Variants in HECTD4 observed in about 807,000 individuals in gnomAD.
The protein encoded by HECTD4 is HECT domain E3 ubiquitin protein ligase 4.
HECTD4 carries 114 observed loss-of-function variants against 471.5 expected under a neutral mutation model. The observed-to-expected ratio is 0.24, with a 90% CI of 0.21 to 0.28. The LOEUF (loss-of-function observed/expected upper bound fraction) is 0.28, where lower values mean the gene tolerates loss of function less well. Among genes scored for constraint, HECTD4 ranks in the 10% least tolerant of loss-of-function variants. The pLI, the probability that HECTD4 is intolerant of heterozygous loss-of-function variation, is 1.00. For missense variants in HECTD4, 3,866 were observed against 5,651.5 expected (o/e 0.68, Z 10.13); for synonymous variants, 2,012 against 2,256.0 (o/e 0.89, Z 3.07).
At chr12:112,305,396 AC>A (rs1340298424) in intron 7 of HECTD4, among the ~76,000 whole-genome samples, 4 of 152,010 alleles carry the variant, frequency 2.6e-5, no homozygotes, top group African/African-American at 9.7e-5. Flanking sequence ...GACACTTTGC[AC>A]GTGTGGTATC....
intron 34 of HECTD4, 114 bp from the exon 35 acceptor site, chr12:112,237,212 T>G: frequency 1.3e-6 from 1 of 782,792 alleles, no homozygotes; most frequent in Non-Finnish European, 1.9e-6. Flanking sequence ...TCATGAACCA[T>G]CTAATAGTGT....
intron 1 of HECTD4, among the ~76,000 whole-genome samples, chr12:112,368,230 T>C (rs1231764221): frequency 6.6e-6 from 1 of 152,196 alleles, no homozygotes; most frequent in African/African-American, 2.4e-5. Context: ...AAGTGTCCCA[T>C]CATGGAACAT....
At chr12:112,180,266 G>A (rs2031616686) in intron 62 of HECTD4, among the ~76,000 whole-genome samples, 1 of 152,212 alleles carries the variant, frequency 6.6e-6, no homozygotes, top group Non-Finnish European at 1.5e-5. Flanking sequence ...CTTCACATGA[G>A]GCCAGGTGCG....
At chr12:112,224,320 C>A (rs577166966) in intron 44 of HECTD4, among the ~76,000 whole-genome samples, 1 of 150,270 alleles carries the variant, frequency 6.7e-6, no homozygotes, top group East Asian at 2.0e-4. Flanking sequence ...GGCTGGAGTG[C>A]AGTGGCATGA....
chr12:112,167,363 T>C lies in HECTD4; in HGVS notation c.12488A>G (p.Gln4163Arg), dbSNP rs189667513. 2,746 of 1,613,806 alleles carry C rather than the reference T, an allele frequency of 1.7e-3. 4 individuals are homozygous for C. The highest frequency in any genetic ancestry group is 1.9e-3 in the Non-Finnish European group (2,276 of 1,179,824). ...GEPLDPEQDL[Q>R]EADILTYNYV... ...ATTGTAGGTGAGGATATCCGCTTCC[T>C]GCAGGTCTTGCTCAGGGTCCAAGGG... The change falls in exon 72 of 76, where the codon CAG becomes CGG. Residue 4163 changes from glutamine (Q) to arginine (R), a missense_variant. This residue lies in a region of HECTD4 where 715 missense variants were observed against 1,087.6 expected (regional missense o/e 0.66). Transcript: ENST00000682272.
intron 17 of HECTD4, among the ~76,000 whole-genome samples, chr12:112,263,643 T>C (rs1296393469): frequency 6.6e-6 from 1 of 151,928 alleles, no homozygotes; most frequent in African/African-American, 2.4e-5. Flanking sequence ...TTAAAAGTTA[T>C]TTTAATCAAG....
rs746381757 is a variant in HECTD4, at chr12:112,183,295, T to G, written c.10780-29A>C. The G allele has an allele frequency of 3.9e-6, 6 of 1,547,194 alleles. No homozygotes were observed. In the Admixed American group the frequency reaches 1.0e-4, roughly 26 times the overall value. ...TGTGAACAGAGAACAGGGTCAGGATTTGAGTAGCTTGACCAGTCATTCAGT... is the reference window on the plus strand; with the variant it reads ...TGTGAACAGAGAACAGGGTCAGGATGTGAGTAGCTTGACCAGTCATTCAGT... On this transcript the variant is annotated intron_variant, in intron 61 of 75. Coordinates refer to ENST00000682272, the MANE Select transcript of HECTD4 (RefSeq NM_001388303.1).
intron 1 of HECTD4, among the ~76,000 whole-genome samples, chr12:112,363,180 A>G (rs1295044185): frequency 6.6e-6 from 1 of 151,974 alleles, no homozygotes; most frequent in Non-Finnish European, 1.5e-5. Flanking sequence ...ATTCTTTTTT[A>G]ATTTTTTAAA....
rs376713187 is a variant in HECTD4, at chr12:112,204,556, G to T, written c.8199C>A (p.Asp2733Glu). 4.3e-6 allele frequency: 7 copies of T among 1,613,052 alleles called. No individual in the cohort carries two copies. In the African/African-American group the frequency reaches 8.0e-5, roughly 18 times the overall value. Residue 2733 changes from aspartate to glutamate, a missense_variant, in exon 53 of 76, where the codon GAC (aspartate) becomes GAA (glutamate). Coordinates refer to ENST00000682272, the MANE Select transcript of HECTD4 (RefSeq NM_001388303.1). ...LYEENGGIPR[D>E]LYLPTIEDIK... is the part of the protein sequence containing the mutation. Reference sequence around the variant, plus strand: ...TGTCTTCAATGGTGGGAAGATAAAGGTCTCTTGGGATGCCACCATTCTCTT... The same window carrying T: ...TGTCTTCAATGGTGGGAAGATAAAGTTCTCTTGGGATGCCACCATTCTCTT...
At chr12:112,309,923 T>C (rs1364282895) in intron 4 of HECTD4, among the ~76,000 whole-genome samples, 2 of 152,292 alleles carry the variant, frequency 1.3e-5, no homozygotes, top group Middle Eastern at 3.4e-3. Flanking sequence ...GCCCGCCAAA[T>C]GTTTTTCTTT....
At chr12:112,366,090 A>G (rs1594078215) in intron 1 of HECTD4, among the ~76,000 whole-genome samples, 1 of 152,038 alleles carries the variant, frequency 6.6e-6, no homozygotes, top group East Asian at 1.9e-4. Context: ...GTTTAAAATG[A>G]TTAGCAGTAT....
chr12:112,382,105 C>A lies in HECTD4; in HGVS notation c.24G>T (p.Ala8=). MGSSAAA[A]AAAAAAADSA... ...AGTCAGCGGCCGCCGCCGCCGCCGC[C>A]GCCGCGGCCGCCGACGAGCCCATGG... Residue 8 remains alanine (A), a synonymous_variant, in exon 1 of 76, where the codon GCG becomes GCT. Transcript: ENST00000682272. The A allele has an allele frequency of 8.2e-7, 1 of 1,225,802 alleles. No homozygotes were observed. Among genetic ancestry groups the A allele is most frequent in the East Asian group, 3.2e-5 (1 of 31,122 alleles). 75.9% of individuals were successfully genotyped at this position (1,225,802 alleles called of 1,614,324 possible). A position where few individuals can be genotyped will look rare whatever the true frequency, so the allele number is the denominator to read the frequency against.
intron 1 of HECTD4, among the ~76,000 whole-genome samples, chr12:112,363,004 CCTTATG>C (rs2036484175): frequency 6.6e-6 from 1 of 151,446 alleles, no homozygotes; most frequent in Admixed American, 6.6e-5. Context: ...GCCCAGCCTC[CCTTATG>C]CTTTTCTACA....
intron 7 of HECTD4, among the ~76,000 whole-genome samples, chr12:112,294,759 G>A (rs1009894185): frequency 1.3e-5 from 2 of 151,952 alleles, no homozygotes; most frequent in African/African-American, 4.8e-5. Context: ...GACTTCTCCA[G>A]CAGAATTCAA....
Position 112,167,502 on chromosome 12 carries a change from C to G in HECTD4, c.12349G>C (p.Gly4117Arg). The G allele has an allele frequency of 6.2e-7, 1 of 1,608,012 alleles. No homozygotes were observed. ...AGGAAGTGCAGCAGCTGCTCCTCCC[C>G]GTAGGTGATGGGGCTCGGGGTCAGG... ...YILTPSPITY[G>R]EEQLLHFLGQ... The change falls in exon 72 of 76, where the codon GGG becomes CGG. Residue 4117 changes from glycine to arginine, a missense_variant. Around this residue, in one of 16 missense-constraint regions of HECTD4, gnomAD observed 715 missense variants for 1,087.6 expected, o/e 0.66. Transcript: ENST00000682272.
Position 112,382,337 on chromosome 12 carries a change from G to C in HECTD4, c.-209C>G. ...GGGAGACCCCGGCCCTGCCGCCGCC[G>C]CCGCCGCCGCCGCCGCCGCCGCCCT... is the stretch of plus-strand genomic sequence containing the variant. On this transcript the variant is annotated 5_prime_UTR_variant, in exon 1 of 76. Coordinates refer to ENST00000682272, the MANE Select transcript of HECTD4 (RefSeq NM_001388303.1). 2.5e-6 allele frequency: 1 copy of C among 394,800 alleles called. No homozygotes were observed. Among genetic ancestry groups the C allele is most frequent in the Non-Finnish European group, 4.3e-6 (1 of 230,680 alleles). 24.5% of individuals were successfully genotyped at this position (394,800 alleles called of 1,614,324 possible).
chr12:112,361,721 T>G (rs1457284856), intron 1 of HECTD4, among the ~76,000 whole-genome samples: 2 of 152,198 alleles, frequency 1.3e-5, no homozygotes, highest in Admixed American at 1.3e-4. Flanking sequence ...AAGGATCCCC[T>G]GAAGGACCCT....
At chr12:112,323,987 T>TC (rs2035660901) in intron 1 of HECTD4, among the ~76,000 whole-genome samples, 1 of 32,096 alleles carries the variant, frequency 3.1e-5, no homozygotes, top group Non-Finnish European at 4.8e-5. Context: ...CCTTCCTTCC[T>TC]TCCTTCCTTC....
intron 15 of HECTD4, among the ~76,000 whole-genome samples, 184 bp from the exon 16 acceptor site, chr12:112,265,479 G>A (rs765729193): frequency 2.1e-4 from 32 of 151,978 alleles, no homozygotes; most frequent in Non-Finnish European, 4.0e-4. Flanking sequence ...AAATCAAATG[G>A]CACCCAACTA....
Sources: allele counts gnomAD v4.1 joint callset (sites outside exome capture counted in the v4.1 genomes callset), GRCh38; gene constraint gnomAD v4.1.1; regional missense constraint gnomAD v4.1.1; transcripts MANE v1.5; gene names NCBI Gene and HGNC (gene_info 2026-07-23, HGNC 2026-07-21).